Variants in DPP8 observed in about 807,000 individuals in gnomAD.
DPP8 encodes the protein DPP VIII.
DPP8 carries 31 observed loss-of-function variants against 107.5 expected under a neutral mutation model. That is an observed-to-expected ratio of 0.29 (90% confidence interval 0.22 to 0.39). The LOEUF (loss-of-function observed/expected upper bound fraction) is 0.39, where lower values mean the gene tolerates loss of function less well. DPP8 is among the 10% of genes least tolerant of loss of function. The pLI is 1.00. For missense variants in DPP8, 842 were observed against 1,076.1 expected (o/e 0.78, Z 3.04); for synonymous variants, 381 against 356.6 (o/e 1.07, Z -0.77).
intron 5 of DPP8, among the ~76,000 whole-genome samples, chr15:65,492,808 G>T (rs1417427814): frequency 1.3e-5 from 2 of 151,990 alleles, no homozygotes; most frequent in Non-Finnish European, 2.9e-5. Flanking sequence ...ATGTTTCCCA[G>T]GCTGGTCTCA....
chr15:65,457,327 G>T (rs1410936510), intron 15 of DPP8, among the ~76,000 whole-genome samples: 1 of 152,118 alleles, frequency 6.6e-6, no homozygotes, highest in Non-Finnish European at 1.5e-5. Context: ...CTGCACTGCA[G>T]CCTGGGCAAC....
At position 65,444,731 on chromosome 15, in the gene DPP8, T is replaced by C. The variant is rs928201405; in HGVS notation, c.*2153A>G. The C allele has an allele frequency of 6.6e-6, 1 of 152,232 alleles. No homozygotes were observed. Among genetic ancestry groups the C allele is most frequent in the Non-Finnish European group, 1.5e-5 (1 of 68,044 alleles). The allele number at this position is 152,232 out of a possible 1,614,324, so 9.4% of individuals were successfully genotyped here. A position where few individuals can be genotyped will look rare whatever the true frequency, so the allele number is the denominator to read the frequency against. Reference sequence around the variant, plus strand: ...GAACTCCAGAGTACATGAAGTTTTCTAAGTTTGTTTCGGTAAAATAAGAGA... The same window carrying C: ...GAACTCCAGAGTACATGAAGTTTTCCAAGTTTGTTTCGGTAAAATAAGAGA... On this transcript the variant is annotated 3_prime_UTR_variant, in exon 20 of 20. Coordinates refer to ENST00000300141, the MANE Select transcript of DPP8 (RefSeq NM_130434.5).
rs527947006 is a variant in DPP8 at position 65,448,101 on chromosome 15, A to C, written c.2527-1095T>G. ...AGATTCCACACTAAAACCTAGCTTT[A>C]AGCCAGATGCAGTAGCCCATTCCCT... On this transcript the variant is annotated intron_variant, in intron 19 of 19. Transcript: ENST00000300141. Among the ~76,000 whole-genome samples the C allele has an allele frequency of 3.5e-3, 526 of 152,310 alleles. 2 individuals carry two copies. Among genetic ancestry groups the C allele is most frequent in the African/African-American group, 0.012 (496 of 41,544 alleles).
At chr15:65,456,904 C>T (rs1203949439) in intron 15 of DPP8, among the ~76,000 whole-genome samples, 1 of 152,172 alleles carries the variant, frequency 6.6e-6, no homozygotes, top group Non-Finnish European at 1.5e-5. Flanking sequence ...CAAGTTGGTT[C>T]TAGCCCCAGG....
intron 6 of DPP8, among the ~76,000 whole-genome samples, chr15:65,489,170 A>G (rs1428710805): frequency 6.6e-6 from 1 of 152,076 alleles, no homozygotes; most frequent in African/African-American, 2.4e-5. Context: ...CATGTTGGCC[A>G]GGATAGTCTC....
intron 7 of DPP8, among the ~76,000 whole-genome samples, chr15:65,486,728 C>G (rs1420488751): frequency 1.3e-5 from 2 of 152,088 alleles, no homozygotes; most frequent in Admixed American, 1.3e-4. Context: ...TGAAGTAACT[C>G]AAGAATGGAA....
intron 5 of DPP8, among the ~76,000 whole-genome samples, chr15:65,492,491 T>C (rs931514485): frequency 6.6e-6 from 1 of 152,210 alleles, no homozygotes; most frequent in Admixed American, 6.5e-5. Context: ...TATTATTTTA[T>C]ATTATTACTA....
At chr15:65,510,974 T>C (rs2070702032) in intron 2 of DPP8, among the ~76,000 whole-genome samples, 1 of 152,212 alleles carries the variant, frequency 6.6e-6, no homozygotes, top group Non-Finnish European at 1.5e-5. Context: ...TACTGGTGTA[T>C]GCATGGAGAA....
At chr15:65,515,535 G>A (rs977918692) in intron 1 of DPP8, 2 of 762,494 alleles carry the variant, frequency 2.6e-6, no homozygotes, top group Admixed American at 4.8e-5. Context: ...TCTCAAAATA[G>A]GTGACCTGAA....
At chr15:65,474,809 TA>T (rs974366981) in intron 11 of DPP8, among the ~76,000 whole-genome samples, 2 of 152,126 alleles carry the variant, frequency 1.3e-5, no homozygotes, top group African/African-American at 4.8e-5. Context: ...TTCACTTCAA[TA>T]AAAAAAGTCT....
At chr15:65,474,848 T>C (rs2066237677) in intron 11 of DPP8, among the ~76,000 whole-genome samples, 1 of 152,166 alleles carries the variant, frequency 6.6e-6, no homozygotes, top group African/African-American at 2.4e-5. Flanking sequence ...AAGTTATGAG[T>C]CTTTACAATA....
intron 5 of DPP8, among the ~76,000 whole-genome samples, chr15:65,495,321 T>C (rs2068472535): frequency 6.6e-6 from 1 of 152,160 alleles, no homozygotes; most frequent in African/African-American, 2.4e-5. Context: ...AAACCCTATG[T>C]CTGGCCAGGT....
intron 15 of DPP8, among the ~76,000 whole-genome samples, chr15:65,461,839 T>C (rs2064952665): frequency 6.6e-6 from 1 of 151,846 alleles, no homozygotes; most frequent in African/African-American, 2.4e-5. Flanking sequence ...GACCTCATGA[T>C]CCGCCTGCCT....
rs71901540 is a variant in DPP8, at chr15:65,445,704, GA to G, written c.*1179del. 6.3e-4 allele frequency: 91 copies of G among 144,714 alleles called. No individual in the cohort carries two copies. Among genetic ancestry groups the G allele is most frequent in the East Asian group, 1.0e-3 (5 of 5,006 alleles). The allele number at this position is 144,714 out of a possible 1,614,324, so 9.0% of individuals were successfully genotyped here. On this transcript the variant is annotated 3_prime_UTR_variant, in exon 20 of 20. Coordinates refer to ENST00000300141, the MANE Select transcript of DPP8 (RefSeq NM_130434.5). ...TTTGTAAGATTTCTAAACCTAAGAGGAAAAAAAAAAAGAATTATAAAAGTAA... is the reference window on the plus strand; with the variant it reads ...TTTGTAAGATTTCTAAACCTAAGAGGAAAAAAAAAAGAATTATAAAAGTAA...
intron 6 of DPP8, among the ~76,000 whole-genome samples, chr15:65,489,451 T>A (rs1427151209): frequency 7.0e-6 from 1 of 142,782 alleles, no homozygotes; most frequent in African/African-American, 2.6e-5. Flanking sequence ...TCTCGCTGTG[T>A]CGCCCAGGCT....
At chr15:65,479,850 CAAAAAAAAAAAA>C (rs56303808) in intron 10 of DPP8, among the ~76,000 whole-genome samples, 4 of 66,786 alleles carry the variant, frequency 6.0e-5, no homozygotes, top group South Asian at 5.3e-4. Flanking sequence ...GACTCCGTCT[CAAAAAAAAAAAA>C]AAAAAAAAAA....
intron 5 of DPP8, 37 bp from the exon 6 acceptor site, chr15:65,490,336 C>G (rs2067902561): frequency 7.6e-7 from 1 of 1,312,148 alleles, no homozygotes; most frequent in Admixed American, 1.7e-5. Flanking sequence ...TCACAGAAAG[C>G]TATCTTTTCA....
chr15:65,447,043 AAAG>A, intron 19 of DPP8, 37 bp from the exon 20 acceptor site: 3 of 1,518,130 alleles, frequency 2.0e-6, no homozygotes, highest in Middle Eastern at 1.8e-4. Context: ...CAAAAAAAAA[AAAG>A]AATTTAGTAA....
chr15:65,491,836 C>T (rs951923381), intron 5 of DPP8, among the ~76,000 whole-genome samples: 9 of 152,216 alleles, frequency 5.9e-5, no homozygotes, highest in Admixed American at 1.3e-4. Flanking sequence ...GGGTTCACGC[C>T]ATTCTCCTGC....
Sources: gnomAD v4.1 joint callset for allele counts (sites outside exome capture counted in the v4.1 genomes callset) on GRCh38, gnomAD v4.1.1 for gene constraint, MANE v1.5 for transcripts, NCBI Gene and HGNC (gene_info 2026-07-23, HGNC 2026-07-21) for gene names.